SCHIP1: variants seen among roughly 807,000 people sequenced by gnomAD.
The protein encoded by SCHIP1 is schwannomin-interacting protein 1.
In SCHIP1, 8 loss-of-function variants were observed where a neutral mutation model predicts 29.7. The ratio of observed to expected loss-of-function variants is 0.27; its 90% confidence interval spans 0.16 to 0.49. The LOEUF (loss-of-function observed/expected upper bound fraction) is 0.49. Ranked by LOEUF, SCHIP1 falls within the 20% of genes least tolerant of loss-of-function variation. The probability of loss-of-function intolerance (pLI) is 0.99; values close to 1 mark genes in which losing one functional copy is unlikely to be tolerated. For missense variants in SCHIP1, 193 were observed against 294.6 expected (o/e 0.66, Z 2.52); for synonymous variants, 76 against 94.9 (o/e 0.80, Z 1.16).
chr3:159,492,512 T>C, the SCHIP1 span, among the ~76,000 whole-genome samples: 1 of 151,798 alleles, frequency 6.6e-6, no homozygotes. Flanking sequence ...CGATGGAAGA[T>C]GAAATGAATG....
the SCHIP1 span, among the ~76,000 whole-genome samples, chr3:159,816,535 A>G: frequency 6.6e-6 from 1 of 152,156 alleles, no homozygotes; most frequent in Non-Finnish European, 1.5e-5. Flanking sequence ...TCAGCCTCCC[A>G]AAGTGCTGGG....
chr3:159,736,956 T>C, the SCHIP1 span, among the ~76,000 whole-genome samples: 2 of 151,556 alleles, frequency 1.3e-5, no homozygotes, highest in Non-Finnish European at 3.0e-5. Flanking sequence ...GGATGGTCTC[T>C]ATCTCCTGAC....
chr3:159,610,858 G>A, the SCHIP1 span, among the ~76,000 whole-genome samples: 1 of 151,654 alleles, frequency 6.6e-6, no homozygotes, highest in South Asian at 2.1e-4. Flanking sequence ...CAGAGGAAGA[G>A]TTTGAAAATC....
chr3:159,336,187 A>G, the SCHIP1 span, among the ~76,000 whole-genome samples: 10 of 151,576 alleles, frequency 6.6e-5, no homozygotes, highest in South Asian at 4.2e-4. Flanking sequence ...TTTTTGATGG[A>G]GTTGTTTGTT....
the SCHIP1 span, among the ~76,000 whole-genome samples, chr3:159,779,671 C>CA: frequency 3.3e-4 from 49 of 146,610 alleles, no homozygotes; most frequent in Middle Eastern, 7.0e-3. Flanking sequence ...GACTCCATCT[C>CA]AAAAAAAAAA....
chr3:159,352,729 C>T, the SCHIP1 span, among the ~76,000 whole-genome samples: 3 of 151,778 alleles, frequency 2.0e-5, no homozygotes, highest in African/African-American at 7.3e-5. Context: ...AAATGATTTT[C>T]CTATTGCTAT....
the SCHIP1 span, among the ~76,000 whole-genome samples, chr3:159,436,846 A>G: frequency 6.6e-6 from 1 of 152,030 alleles, no homozygotes; most frequent in Non-Finnish European, 1.5e-5. Flanking sequence ...TGAATATGGT[A>G]TATACCAGGA....
the SCHIP1 span, among the ~76,000 whole-genome samples, chr3:159,478,348 A>G: frequency 6.6e-6 from 1 of 152,148 alleles, no homozygotes; most frequent in Non-Finnish European, 1.5e-5. Flanking sequence ...TTCTTTCTTC[A>G]TTGGATGTTC....
chr3:159,364,760 A>G, the SCHIP1 span, among the ~76,000 whole-genome samples: 2 of 152,160 alleles, frequency 1.3e-5, no homozygotes, highest in Non-Finnish European at 2.9e-5. Flanking sequence ...AAGCTCACCA[A>G]AAGTCCTCCA....
the SCHIP1 span, chr3:159,721,733 T>C: frequency 2.3e-6 from 1 of 434,090 alleles, no homozygotes; most frequent in Admixed American, 2.6e-5. Context: ...ACAGCCATGT[T>C]GGTAGGCACG....
chr3:159,675,574 A>G, the SCHIP1 span, among the ~76,000 whole-genome samples: 2 of 152,236 alleles, frequency 1.3e-5, no homozygotes, highest in African/African-American at 2.4e-5. Context: ...CCAGGCCCGC[A>G]TGAGCTTGGT....
the SCHIP1 span, among the ~76,000 whole-genome samples, chr3:159,416,504 G>C: frequency 2.0e-5 from 3 of 152,114 alleles, no homozygotes; most frequent in African/African-American, 7.2e-5. Flanking sequence ...TTAAATTCTT[G>C]CTGACTAAAT....
intron 2 of SCHIP1, among the ~76,000 whole-genome samples, chr3:159,875,618 A>G (rs1715725203): frequency 6.6e-6 from 1 of 152,230 alleles, no homozygotes; most frequent in African/African-American, 2.4e-5. Flanking sequence ...AGACACACAC[A>G]GTTCACGTGA....
chr3:159,400,471 TCTGTAAAATTGTATTA>T, the SCHIP1 span, among the ~76,000 whole-genome samples: 1 of 152,202 alleles, frequency 6.6e-6, no homozygotes, highest in African/African-American at 2.4e-5. Flanking sequence ...TCCCTTTCAA[TCTGTAAAATTGTATTA>T]TTATCTCCTT....
At chr3:159,681,855 AGGTTAACTTG>A in the SCHIP1 span, among the ~76,000 whole-genome samples, 14 of 151,966 alleles carry the variant, frequency 9.2e-5, no homozygotes, top group African/African-American at 3.4e-4. Context: ...ACGTTAACTT[AGGTTAACTTG>A]GGTTAACTCA....
chr3:159,503,598 C>T, the SCHIP1 span, among the ~76,000 whole-genome samples: 1 of 152,300 alleles, frequency 6.6e-6, no homozygotes, highest in Non-Finnish European at 1.5e-5. Context: ...CAGGCCACAC[C>T]TTTCATATGC....
the SCHIP1 span, among the ~76,000 whole-genome samples, chr3:159,588,540 A>G: frequency 6.6e-6 from 1 of 152,104 alleles, no homozygotes; most frequent in Non-Finnish European, 1.5e-5. Context: ...GTCCTTGCCC[A>G]TGCCTATGTC....
the SCHIP1 span, among the ~76,000 whole-genome samples, chr3:159,433,174 A>C: frequency 7.9e-5 from 12 of 152,320 alleles, no homozygotes; most frequent in East Asian, 1.7e-3. Context: ...CTGAAAAAGC[A>C]TATCTGGCAC....
chr3:159,406,012 A>T, the SCHIP1 span, among the ~76,000 whole-genome samples: 1 of 152,000 alleles, frequency 6.6e-6, no homozygotes, highest in South Asian at 2.1e-4. Context: ...TTAGATTTAA[A>T]TACACTTAAA....
Sources: allele counts gnomAD v4.1 joint callset (sites outside exome capture counted in the v4.1 genomes callset), GRCh38; gene constraint gnomAD v4.1.1; transcripts MANE v1.5; gene names NCBI Gene and HGNC (gene_info 2026-07-23, HGNC 2026-07-21).